Variants in ZNF469 observed in about 807,000 individuals in gnomAD.
ZNF469 encodes zinc finger protein 469.
ZNF469 carries 1 observed loss-of-function variant against 1.0 expected under a neutral mutation model. That is an observed-to-expected ratio of 1.00 (90% confidence interval 0.35 to 4.73). The LOEUF (loss-of-function observed/expected upper bound fraction) is 4.73, where lower values mean the gene tolerates loss of function less well. ZNF469 is among the 30% of genes most tolerant of loss of function. The pLI, the probability that ZNF469 is intolerant of heterozygous loss-of-function variation, is 0.16. For synonymous variants in ZNF469, 2,703 were observed against 2,363.4 expected (o/e 1.14, Z -4.17); for missense variants, 6,100 against 5,356.3 (o/e 1.14, Z -4.33).
the ZNF469 span, among the ~76,000 whole-genome samples, chr16:88,340,704 T>G: frequency 8.5e-6 from 1 of 117,942 alleles, no homozygotes; most frequent in Non-Finnish European, 1.7e-5. Flanking sequence ...TGGGGAGGAG[T>G]CCCGCTGGAA....
the ZNF469 span, among the ~76,000 whole-genome samples, chr16:88,146,851 G>A: frequency 1.3e-5 from 2 of 152,062 alleles, no homozygotes; most frequent in Non-Finnish European, 2.9e-5. Flanking sequence ...GTGACCAACG[G>A]GTGGACTAAG....
At chr16:88,168,053 C>T in the ZNF469 span, among the ~76,000 whole-genome samples, 433 of 152,348 alleles carry the variant, frequency 2.8e-3, 1 homozygote, top group Non-Finnish European at 5.2e-3. The surrounding 1 kb of genome is among the most constrained non-coding windows in gnomAD (Gnocchi z 4.3). Context: ...TCCAGGGAGA[C>T]GTGAGCCATG....
chr16:88,245,859 G>A, the ZNF469 span, among the ~76,000 whole-genome samples: 3 of 152,266 alleles, frequency 2.0e-5, no homozygotes, highest in African/African-American at 7.2e-5. Context: ...AGCGTGCCTG[G>A]TGTGTGTCCC....
At chr16:88,284,380 C>T in the ZNF469 span, among the ~76,000 whole-genome samples, 1 of 152,166 alleles carries the variant, frequency 6.6e-6, no homozygotes, top group Non-Finnish European at 1.5e-5. Context: ...GATCCTGGGG[C>T]ATCCCAAGAA....
At chr16:88,238,063 T>A in the ZNF469 span, among the ~76,000 whole-genome samples, 1 of 152,208 alleles carries the variant, frequency 6.6e-6, no homozygotes, top group South Asian at 2.1e-4. Context: ...TCCATTCACC[T>A]ATGAAGGTAT....
the ZNF469 span, among the ~76,000 whole-genome samples, chr16:88,321,583 C>T: frequency 6.6e-6 from 1 of 150,920 alleles, no homozygotes; most frequent in Non-Finnish European, 1.5e-5. Context: ...GGATTCTGCT[C>T]ATAAGGCCTT....
At chr16:88,355,322 G>A in the ZNF469 span, among the ~76,000 whole-genome samples, 9 of 152,310 alleles carry the variant, frequency 5.9e-5, no homozygotes, top group South Asian at 6.2e-4. Context: ...CTTGGGCCTC[G>A]GTTTCTGCTG....
the ZNF469 span, among the ~76,000 whole-genome samples, chr16:88,176,885 G>A: frequency 9.9e-5 from 15 of 152,234 alleles, no homozygotes; most frequent in African/African-American, 3.1e-4. Flanking sequence ...GTACGGGATC[G>A]TAAATGCAGA....
At position 88,401,182 on chromosome 16, in the gene ZNF469, C is replaced by T. The variant is rs1904841917; in HGVS notation, c.-192+17928C>T. Among the ~76,000 whole-genome samples, 3 of 152,196 alleles carry T rather than the reference C, an allele frequency of 2.0e-5. No homozygotes were observed. In the South Asian group the frequency reaches 6.2e-4, roughly 31 times the overall value. ...ACCCAGAGACAACCAAGAGTAAATG[C>T]AAGAGAGGGGCAACTTATCTCTTCT... On this transcript the variant is annotated intron_variant, in intron 1 of 2. Coordinates refer to ENST00000565624, the MANE Select transcript of ZNF469 (RefSeq NM_001367624.2).
At chr16:88,119,808 C>G in the ZNF469 span, among the ~76,000 whole-genome samples, 1 of 152,202 alleles carries the variant, frequency 6.6e-6, no homozygotes, top group African/African-American at 2.4e-5. Context: ...TCTTGGTTAA[C>G]TGGGAGCGTG....
At chr16:88,293,232 G>A in the ZNF469 span, among the ~76,000 whole-genome samples, 1 of 151,860 alleles carries the variant, frequency 6.6e-6, no homozygotes, top group East Asian at 1.9e-4. Flanking sequence ...GTAGATGGGT[G>A]GATGAATGGA....
chr16:88,251,558 T>G, the ZNF469 span, among the ~76,000 whole-genome samples: 4 of 125,080 alleles, frequency 3.2e-5, no homozygotes, highest in East Asian at 2.3e-4. Flanking sequence ...TTTTTTTTTT[T>G]TTTTTTTTTT....
chr16:88,177,760 T>G, the ZNF469 span: 130,652 of 152,152 alleles, frequency 0.86, 56,763 homozygotes, highest in East Asian at 1. This position sits in a 1 kb window ranked among gnomAD's most constrained non-coding sequence, Gnocchi z 4.8. Flanking sequence ...CAGGCTGGAG[T>G]GCAATGGTGC....
chr16:88,246,558 G>A, the ZNF469 span, among the ~76,000 whole-genome samples: 16 of 152,338 alleles, frequency 1.1e-4, no homozygotes, highest in East Asian at 3.9e-4. Context: ...CGCCAAGAGC[G>A]CTTGCTAAAA....
In ZNF469 at chr16:88,429,405, C is replaced by G; in HGVS notation, c.1935C>G (p.Gly645=). Residue 645 remains glycine, a synonymous_variant, in exon 3 of 3, where the codon GGC becomes GGG. Coordinates refer to ENST00000565624, the MANE Select transcript of ZNF469 (RefSeq NM_001367624.2). ...FHPPTHPQET[G]SPFPSPEPPH... is the part of the protein sequence containing the mutation. ...CACCCACTCACCCCCAGGAGACGGG[C>G]AGCCCCTTCCCGTCCCCGGAGCCCC... 6.5e-7 allele frequency: 1 copy of G among 1,546,378 alleles called. No homozygotes were observed. Among genetic ancestry groups the G allele is most frequent in the Non-Finnish European group, 8.7e-7 (1 of 1,143,838 alleles).
At chr16:88,115,901 T>C in the ZNF469 span, among the ~76,000 whole-genome samples, 12 of 152,218 alleles carry the variant, frequency 7.9e-5, no homozygotes, top group Non-Finnish European at 1.5e-4. Flanking sequence ...TTTATCCTCA[T>C]GTGGTCTCTT....
chr16:88,104,245 TC>T, the ZNF469 span, among the ~76,000 whole-genome samples: 1 of 65,806 alleles, frequency 1.5e-5, no homozygotes, highest in Non-Finnish European at 3.9e-5. Context: ...CCAGACGGTA[TC>T]TTAAAAAAAA....
the ZNF469 span, among the ~76,000 whole-genome samples, chr16:88,184,852 G>A: frequency 6.6e-6 from 1 of 152,318 alleles, no homozygotes; most frequent in African/African-American, 2.4e-5. Context: ...TGGCTTGTGC[G>A]GGGACACGTG....
chr16:88,409,881 G>GT (rs1905102514), intron 1 of ZNF469, among the ~76,000 whole-genome samples: 1 of 146,234 alleles, frequency 6.8e-6, no homozygotes, highest in African/African-American at 2.7e-5. Flanking sequence ...GGGGGGGGGG[G>GT]GGGCGCGGGG....
Sources: allele counts gnomAD v4.1 joint callset (sites outside exome capture counted in the v4.1 genomes callset), GRCh38; gene constraint gnomAD v4.1.1; non-coding constraint Gnocchi (gnomAD v3.1); transcripts MANE v1.5; gene names NCBI Gene and HGNC (gene_info 2026-07-23, HGNC 2026-07-21).